Variants in TNRC18 observed in about 807,000 individuals in gnomAD.
TNRC18 encodes trinucleotide repeat containing 18.
A neutral mutation model predicts 226.7 loss-of-function variants in TNRC18; 69 were observed. That is an observed-to-expected ratio of 0.30 (90% CI 0.25 to 0.37). The LOEUF (loss-of-function observed/expected upper bound fraction) is 0.37. TNRC18 is among the 10% of genes least tolerant of loss of function. The pLI, the probability that TNRC18 is intolerant of heterozygous loss-of-function variation, is 1.00. For missense variants in TNRC18, 4,754 were observed against 4,256.6 expected (o/e 1.12, Z -3.25); for synonymous variants, 2,449 against 1,927.6 (o/e 1.27, Z -7.09).
At chr7:5,345,517 G>GTCCTCCC in intron 18 of TNRC18, 45 bp downstream of exon 18, 1 of 377,744 alleles carries the variant, frequency 2.6e-6, no homozygotes, top group Non-Finnish European at 4.8e-6. Flanking sequence ...AATGGCGTCC[G>GTCCTCCC]CCCCTCCCAC....
chr7:5,380,498 G>C (rs1313934943), intron 5 of TNRC18, among the ~76,000 whole-genome samples: 1 of 152,220 alleles, frequency 6.6e-6, no homozygotes. Flanking sequence ...GGAACCCAGA[G>C]AGGGGCACAG....
intron 29 of TNRC18, 103 bp downstream of exon 29, chr7:5,308,772 C>A: frequency 1.0e-5 from 13 of 1,303,722 alleles, no homozygotes; most frequent in Non-Finnish European, 1.4e-5. Flanking sequence ...TGAGGGAGAC[C>A]ATGGGGGACA....
At chr7:5,337,035 T>A (rs1468008998) in intron 18 of TNRC18, among the ~76,000 whole-genome samples, 2 of 152,082 alleles carry the variant, frequency 1.3e-5, no homozygotes, top group African/African-American at 4.8e-5. Flanking sequence ...GGGTGTCAGA[T>A]AAACACCAAG....
chr7:5,421,934 C>G (rs1250183498), intron 1 of TNRC18, among the ~76,000 whole-genome samples: 1 of 152,252 alleles, frequency 6.6e-6, no homozygotes, highest in African/African-American at 2.4e-5. Flanking sequence ...ACTATCTGAT[C>G]CGCAAAGTTT....
chr7:5,311,518 C>T (rs1356311892), intron 27 of TNRC18, among the ~76,000 whole-genome samples: 1 of 152,188 alleles, frequency 6.6e-6, no homozygotes, highest in Admixed American at 6.5e-5. Context: ...TGGGAACACT[C>T]AAATGCCACA....
chr7:5,404,765 T>A (rs1043313016), intron 2 of TNRC18, among the ~76,000 whole-genome samples: 1 of 135,818 alleles, frequency 7.4e-6, no homozygotes, highest in Admixed American at 7.1e-5. Context: ...ACACTTTCAG[T>A]GTGTGTGTGT....
chr7:5,421,513 C>G (rs1174991450), intron 1 of TNRC18, 24 bp from the exon 2 acceptor site: 1 of 150,868 alleles, frequency 6.6e-6, no homozygotes, highest in African/African-American at 2.4e-5. Flanking sequence ...AGACAGGCCG[C>G]GGAAGAAATA....
chr7:5,379,396 T>C (rs1391648521), intron 5 of TNRC18, among the ~76,000 whole-genome samples: 5 of 140,264 alleles, frequency 3.6e-5, no homozygotes, highest in African/African-American at 1.0e-4. Flanking sequence ...ACCCAGACTC[T>C]AAAGAAAAAA....
chr7:5,368,947 A>G (rs962041142), intron 11 of TNRC18, among the ~76,000 whole-genome samples: 1 of 151,978 alleles, frequency 6.6e-6, no homozygotes, highest in Non-Finnish European at 1.5e-5. Flanking sequence ...CTCTTTGAGA[A>G]CTACCCTCCC....
At position 5,361,627 on chromosome 7, in the gene TNRC18, C is replaced by A; in HGVS notation, c.4628G>T (p.Arg1543Leu). 1 of 1,545,228 alleles carries A rather than the reference C, an allele frequency of 6.5e-7. No homozygotes were observed. The highest frequency in any genetic ancestry group is 8.7e-7 in the Non-Finnish European group (1 of 1,146,612). The part of the protein sequence containing the change: ...THAPSALSPP[R>L]KRGKSGHSSG... ...ACTGTGGCCGCTCTTCCCTCTCTTG[C>A]GGGGGGGCGACAGGGCGCTCGGGGC... The change falls in exon 14 of 30, where the codon CGC becomes CTC. Residue 1543 changes from arginine to leucine, a missense_variant. Coordinates refer to ENST00000430969, the MANE Select transcript of TNRC18 (RefSeq NM_001080495.3).
At chr7:5,328,489 G>A (rs546087411) in intron 19 of TNRC18, among the ~76,000 whole-genome samples, 2 of 150,428 alleles carry the variant, frequency 1.3e-5, no homozygotes, top group South Asian at 4.2e-4. Context: ...GCAACACAGT[G>A]AGACCACCTT....
At chr7:5,397,602 C>T (rs532346492) in intron 2 of TNRC18, among the ~76,000 whole-genome samples, 20 of 152,316 alleles carry the variant, frequency 1.3e-4, no homozygotes, top group Admixed American at 3.9e-4. Flanking sequence ...CGTGCCACCC[C>T]CCTCACCTCA....
chr7:5,402,178 C>CAAAAAAA (rs35794476), intron 2 of TNRC18, among the ~76,000 whole-genome samples: 14 of 71,320 alleles, frequency 2.0e-4, no homozygotes, highest in African/African-American at 6.3e-4. Flanking sequence ...GACTCTGTCT[C>CAAAAAAA]AAAAAAAAAA....
At chr7:5,375,924 G>C (rs1054913741) in intron 9 of TNRC18, 110 bp downstream of exon 9, 104 of 1,118,934 alleles carry the variant, frequency 9.3e-5, no homozygotes, top group Middle Eastern at 8.9e-4. Context: ...CTGCCCCTCT[G>C]CTGTTTTCTC....
chr7:5,364,505 ACACACACACG>A (rs1236630715), intron 11 of TNRC18, among the ~76,000 whole-genome samples: 1 of 132,064 alleles, frequency 7.6e-6, no homozygotes, highest in Non-Finnish European at 1.7e-5. Context: ...ACACACACAC[ACACACACACG>A]ATCTCAGGCT....
chr7:5,341,136 G>C (rs186319401), intron 18 of TNRC18, among the ~76,000 whole-genome samples: 48 of 152,124 alleles, frequency 3.2e-4, no homozygotes, highest in African/African-American at 1.2e-3. Context: ...AACAGGCCGG[G>C]TGCAGTGGCT....
chr7:5,367,675 G>T (rs567448608), intron 11 of TNRC18, among the ~76,000 whole-genome samples: 1 of 151,494 alleles, frequency 6.6e-6, no homozygotes, highest in Admixed American at 6.6e-5. Flanking sequence ...TGATCTGCCC[G>T]CCTCGGCCTC....
At chr7:5,385,588 GC>G (rs1779714624) in intron 5 of TNRC18, among the ~76,000 whole-genome samples, 1 of 152,006 alleles carries the variant, frequency 6.6e-6, no homozygotes, top group African/African-American at 2.4e-5. Flanking sequence ...GGAGGCTGAG[GC>G]CGGAGAATCA....
chr7:5,385,443 G>A (rs569804435), intron 5 of TNRC18, among the ~76,000 whole-genome samples: 138 of 142,510 alleles, frequency 9.7e-4, no homozygotes, highest in South Asian at 1.8e-3. Context: ...AGCCGAGATT[G>A]CGCCACTGCA....
Sources: gnomAD v4.1 joint callset for allele counts (sites outside exome capture counted in the v4.1 genomes callset) on GRCh38, gnomAD v4.1.1 for gene constraint, MANE v1.5 for transcripts, NCBI Gene and HGNC (gene_info 2026-07-23, HGNC 2026-07-21) for gene names.